Variants in TMED5 observed in about 807,000 individuals in gnomAD.
The protein encoded by TMED5 is transmembrane emp24 domain-containing protein 5.
TMED5 carries 27 observed loss-of-function variants against 23.0 expected under a neutral mutation model. The observed-to-expected ratio is 1.17, with a 90% CI of 0.86 to 1.62. The LOEUF is 1.62. Ranked by LOEUF, TMED5 falls within the 40% of genes most tolerant of loss-of-function variation. The pLI is 0.00. For synonymous variants in TMED5, 97 were observed against 100.8 expected (o/e 0.96, Z 0.23); for missense variants, 248 against 273.7 (o/e 0.91, Z 0.66).
rs539252586 is a variant in TMED5, at chr1:93,177,502, G to A, written c.189+2552C>T. 1.7e-4 allele frequency among the ~76,000 whole-genome samples: 26 copies of A among 150,232 alleles called. No homozygotes were observed. In the East Asian group the frequency reaches 4.7e-3, roughly 27 times the overall value. On this transcript the variant is annotated intron_variant, in intron 1 of 3. Transcript: ENST00000370282. ...TGAGGCGGGAGAATCACTTGAACTCGGGAGATGAAGGTTGCTGTGGGCCAA... is the reference window on the plus strand; with the variant it reads ...TGAGGCGGGAGAATCACTTGAACTCAGGAGATGAAGGTTGCTGTGGGCCAA...
chr1:93,179,046 G>A (rs1322136947), intron 1 of TMED5, among the ~76,000 whole-genome samples: 1 of 152,104 alleles, frequency 6.6e-6, no homozygotes, highest in Non-Finnish European at 1.5e-5. Context: ...GTAATTCCCA[G>A]CAAGAATATT....
chr1:93,162,586 G>A (rs999174806), intron 1 of TMED5: 1 of 151,450 alleles, frequency 6.6e-6, no homozygotes, highest in Non-Finnish European at 1.5e-5. Context: ...AAAAGAATGA[G>A]TGAGACTCCA....
intron 1 of TMED5, among the ~76,000 whole-genome samples, chr1:93,178,199 T>A (rs1192035786): frequency 6.6e-6 from 1 of 152,208 alleles, no homozygotes; most frequent in Non-Finnish European, 1.5e-5. Context: ...CCCAGCCTTC[T>A]GGCCTCTCCG....
intron 3 of TMED5, among the ~76,000 whole-genome samples, chr1:93,155,168 A>G (rs1356882114): frequency 2.0e-5 from 3 of 152,118 alleles, no homozygotes; most frequent in South Asian, 2.1e-4. Context: ...TGAGATTGCA[A>G]TGAGCCATAA....
chr1:93,171,978 T>C (rs1033872325), intron 1 of TMED5, among the ~76,000 whole-genome samples: 8 of 152,158 alleles, frequency 5.3e-5, no homozygotes, highest in African/African-American at 1.7e-4. Context: ...GCAATGGGTA[T>C]GGAAAACATA....
intron 1 of TMED5, among the ~76,000 whole-genome samples, chr1:93,173,960 T>G (rs1337971382): frequency 6.6e-6 from 1 of 151,948 alleles, no homozygotes; most frequent in Non-Finnish European, 1.5e-5. Context: ...AAGAGGTTTT[T>G]TTTTGTTTTT....
Position 93,154,840 on chromosome 1 carries a change from G to A in TMED5, c.520C>T (p.Gln174Ter), listed in dbSNP as rs1301725945. The A allele has an allele frequency of 6.2e-7, 1 of 1,614,002 alleles. No homozygotes were observed. Among genetic ancestry groups the A allele is most frequent in the East Asian group, 2.2e-5 (1 of 44,878 alleles). The change falls in exon 4 of 4, where the codon CAA (glutamine) becomes TAA (stop). Residue 174 changes from glutamine to a stop codon, truncating the protein, a stop_gained. Transcript: ENST00000370282. LOFTEE classifies it high-confidence loss of function. ...GCTTCAAATGCTCTAAGCAGAGTTT[G>A]TATGTGCCCACTTTTGCTTAGTCTG... ...KSRLSKSGHI[Q>*]TLLRAFEARD... is the part of the protein sequence containing the mutation.
At chr1:93,166,396 T>C (rs189942078) in intron 1 of TMED5, among the ~76,000 whole-genome samples, 34 of 152,304 alleles carry the variant, frequency 2.2e-4, no homozygotes, top group Admixed American at 5.9e-4. Flanking sequence ...TGTATGAGGG[T>C]TCCCTTTTCT....
intron 1 of TMED5, chr1:93,179,806 C>T (rs1649208219): frequency 1.0e-5 from 5 of 490,034 alleles, no homozygotes; most frequent in Non-Finnish European, 1.8e-5. Flanking sequence ...TTCTGGCCTC[C>T]TTCCCACCGG....
Position 93,154,851 on chromosome 1 carries a change from C to G in TMED5, c.509G>C (p.Ser170Thr). The change falls in exon 4 of 4, where the codon AGT becomes ACT. Residue 170 changes from serine to threonine, a missense_variant. Transcript: ENST00000370282. The part of the protein sequence containing the change: ...INSIKSRLSK[S>T]GHIQTLLRAF... ...TCTAAGCAGAGTTTGTATGTGCCCA[C>G]TTTTGCTTAGTCTGGACTTGATGCT... 6.2e-7 allele frequency: 1 copy of G among 1,613,850 alleles called. No individual in the cohort carries two copies. The highest frequency in any genetic ancestry group is 8.5e-7 in the Non-Finnish European group (1 of 1,179,748).
chr1:93,178,126 T>G (rs565218526), intron 1 of TMED5, among the ~76,000 whole-genome samples: 61 of 152,164 alleles, frequency 4.0e-4, no homozygotes, highest in Non-Finnish European at 8.4e-4. Context: ...TAAATGGACT[T>G]GTACAAAATT....
At chr1:93,166,124 A>G (rs1215639761) in intron 1 of TMED5, among the ~76,000 whole-genome samples, 1 of 152,214 alleles carries the variant, frequency 6.6e-6, no homozygotes, top group East Asian at 1.9e-4. Context: ...ATAGTACTCC[A>G]TTGTGTATAA....
intron 1 of TMED5, among the ~76,000 whole-genome samples, chr1:93,176,876 GA>G (rs1445067468): frequency 2.2e-4 from 34 of 152,270 alleles, no homozygotes; most frequent in Admixed American, 2.0e-3. Flanking sequence ...GGATAGTGCT[GA>G]CACATATCAA....
Position 93,154,017 on chromosome 1 carries a change from A to G in TMED5, c.*653T>C, listed in dbSNP as rs932347378. 6.6e-6 allele frequency: 1 copy of G among 152,616 alleles called. No individual in the cohort carries two copies. The allele number at this position is 152,616 out of a possible 1,614,324, so 9.5% of individuals were successfully genotyped here. ...TAAGTGTAACTTTGTGTTTTTAAGA[A>G]TCGTGAAAATGTCAGCTTTTGGGAA... On this transcript the variant is annotated 3_prime_UTR_variant, in exon 4 of 4. Transcript: ENST00000370282.
chr1:93,170,164 GC>G (rs1648660797), intron 1 of TMED5, among the ~76,000 whole-genome samples: 1 of 152,236 alleles, frequency 6.6e-6, no homozygotes, highest in Non-Finnish European at 1.5e-5. Flanking sequence ...GCCCACTCTG[GC>G]CACGCCTGAG....
chr1:93,156,190 A>C, intron 3 of TMED5, 110 bp downstream of exon 3: 1 of 1,200,718 alleles, frequency 8.3e-7, no homozygotes, highest in Non-Finnish European at 1.2e-6. Context: ...AAAATATTAG[A>C]AACAGATTTT....
At chr1:93,161,641 C>T (rs1272686721) in intron 1 of TMED5, 1 of 152,168 alleles carries the variant, frequency 6.6e-6, no homozygotes, top group Non-Finnish European at 1.5e-5. Flanking sequence ...CCTCTGAATC[C>T]TCCTGTCCAG....
At chr1:93,169,798 A>C (rs1234274834) in intron 1 of TMED5, among the ~76,000 whole-genome samples, 1 of 151,776 alleles carries the variant, frequency 6.6e-6, no homozygotes, top group African/African-American at 2.4e-5. Context: ...CTGTAATCTC[A>C]GCACTTTGGG....
chr1:93,169,882 T>TACAAACAC (rs1553159703), intron 1 of TMED5, among the ~76,000 whole-genome samples: 3 of 130,502 alleles, frequency 2.3e-5, no homozygotes, highest in Non-Finnish European at 4.8e-5. Flanking sequence ...ACCCTGTCTG[T>TACAAACAC]ACACACACAC....
Sources: gnomAD v4.1 joint callset for allele counts (sites outside exome capture counted in the v4.1 genomes callset) on GRCh38, gnomAD v4.1.1 for gene constraint, MANE v1.5 for transcripts, NCBI Gene and HGNC (gene_info 2026-07-23, HGNC 2026-07-21) for gene names.